The following TMEM132C variants were observed in gnomAD, a reference collection of about 807,000 sequenced individuals.
TMEM132C encodes the protein transmembrane protein 132C, also known as protein phosphatase 1, regulatory subunit 152.
TMEM132C carries 29 observed loss-of-function variants against 61.4 expected under a neutral mutation model. The observed-to-expected ratio is 0.47, with a 90% CI of 0.35 to 0.64. The LOEUF is 0.64. TMEM132C is among the 30% of genes least tolerant of loss of function. The pLI is 0.00. For synonymous variants in TMEM132C, 656 were observed against 633.1 expected (o/e 1.04, Z -0.54); for missense variants, 1,408 against 1,476.9 (o/e 0.95, Z 0.76).
intron 3 of TMEM132C, among the ~76,000 whole-genome samples, chr12:128,580,943 A>G (rs7296140): frequency 0.23 from 35,548 of 152,032 alleles, 4,286 homozygotes; most frequent in Middle Eastern, 0.32. Flanking sequence ...ACTAGATGCC[A>G]ACTGCACACC....
intron 4 of TMEM132C, among the ~76,000 whole-genome samples, chr12:128,665,076 AACACAGGCACTCACACAT>A (rs1237320800): frequency 1.4e-5 from 2 of 148,002 alleles, no homozygotes; most frequent in Non-Finnish European, 3.0e-5. Context: ...CACATACACA[AACACAGGCACTCACACAT>A]ACACAGGCAC....
Position 128,350,185 on chromosome 12 carries a change from G to A in TMEM132C, c.86-64547G>A, listed in dbSNP as rs148551579. 2.7e-3 allele frequency among the ~76,000 whole-genome samples: 417 copies of A among 152,292 alleles called. 2 individuals carry two copies. The highest frequency in any genetic ancestry group is 9.3e-3 in the African/African-American group (388 of 41,558). Reference sequence around the variant, plus strand: ...TCCTTTTTTCGTTTATTCAACTAATGTTGATGAAACGTCTATTTTTTTTCT... The same window carrying A: ...TCCTTTTTTCGTTTATTCAACTAATATTGATGAAACGTCTATTTTTTTTCT... On this transcript the variant is annotated intron_variant, in intron 1 of 8. Coordinates refer to ENST00000435159, the MANE Select transcript of TMEM132C (RefSeq NM_001136103.3).
chr12:128,687,656 C>T (rs1222644344), intron 5 of TMEM132C, among the ~76,000 whole-genome samples: 1 of 152,218 alleles, frequency 6.6e-6, no homozygotes, highest in Admixed American at 6.5e-5. Context: ...GTGAAACCCA[C>T]AGAAGATGCA....
chr12:128,652,426 T>C (rs1036410135), intron 4 of TMEM132C, among the ~76,000 whole-genome samples: 1 of 152,228 alleles, frequency 6.6e-6, no homozygotes. Context: ...ACTCCTGTGC[T>C]AATAAAGGGT....
intron 2 of TMEM132C, among the ~76,000 whole-genome samples, chr12:128,523,896 C>A (rs1206169511): frequency 2.6e-5 from 4 of 151,582 alleles, no homozygotes; most frequent in African/African-American, 4.8e-5. Flanking sequence ...ACCTGTAGTC[C>A]CAGCCACTCA....
At chr12:128,276,543 G>A (rs536349210) in intron 1 of TMEM132C, among the ~76,000 whole-genome samples, 1 of 152,266 alleles carries the variant, frequency 6.6e-6, no homozygotes, top group East Asian at 1.9e-4. Context: ...ACGATCTTAA[G>A]CTTCCCTTCT....
At chr12:128,690,117 C>T (rs1593149910) in intron 5 of TMEM132C, among the ~76,000 whole-genome samples, 2 of 152,176 alleles carry the variant, frequency 1.3e-5, no homozygotes. Context: ...CCAAGCCTCA[C>T]GTGACCCCAC....
chr12:128,373,118 C>T (rs548415861), intron 1 of TMEM132C, among the ~76,000 whole-genome samples: 2 of 152,260 alleles, frequency 1.3e-5, no homozygotes, highest in East Asian at 3.9e-4. Context: ...AGGAGGAACT[C>T]AGGCAGGGCT....
At chr12:128,622,822 A>G (rs1346102312) in intron 4 of TMEM132C, among the ~76,000 whole-genome samples, 3 of 152,188 alleles carry the variant, frequency 2.0e-5, no homozygotes, top group Admixed American at 1.3e-4. Flanking sequence ...ATTGTTTTTC[A>G]AAAACATCTC....
intron 1 of TMEM132C, among the ~76,000 whole-genome samples, chr12:128,320,638 T>G (rs1326963095): frequency 2.6e-5 from 4 of 151,974 alleles, no homozygotes; most frequent in African/African-American, 9.7e-5. Context: ...GAGTGTTGGC[T>G]CATGCCTTTA....
At chr12:128,372,480 C>T (rs1276668314) in intron 1 of TMEM132C, among the ~76,000 whole-genome samples, 2 of 152,080 alleles carry the variant, frequency 1.3e-5, no homozygotes, top group Admixed American at 6.5e-5. Context: ...ACAAAAGCTA[C>T]GTTTTCCAGT....
intron 1 of TMEM132C, among the ~76,000 whole-genome samples, chr12:128,384,616 G>T (rs962772340): frequency 4.6e-5 from 7 of 152,142 alleles, no homozygotes; most frequent in Non-Finnish European, 1.0e-4. Context: ...CTCCACTAAA[G>T]CTTCTGGAAG....
chr12:128,430,567 A>G (rs543063846), intron 2 of TMEM132C, among the ~76,000 whole-genome samples: 1 of 152,338 alleles, frequency 6.6e-6, no homozygotes, highest in Admixed American at 6.5e-5. Flanking sequence ...AGTTTACTGC[A>G]TTTCACAGAT....
rs201012004 is a variant in TMEM132C, at chr12:128,278,745, C to CGTGTGTGTGT, written c.85+11262_85+11263insGTGTGTGTGT. Among the ~76,000 whole-genome samples the CGTGTGTGTGT allele has an allele frequency of 4.1e-4, 55 of 135,670 alleles. No individual in the cohort carries two copies. The highest frequency in any genetic ancestry group is 1.7e-3 in the South Asian group (7 of 4,020). 89.0% of individuals were successfully genotyped at this position (135,670 alleles called of 152,430 possible). A position where few individuals can be genotyped will look rare whatever the true frequency, so the allele number is the denominator to read the frequency against. On this transcript the variant is annotated intron_variant, in intron 1 of 8. Transcript: ENST00000435159. This position sits in a 1 kb window ranked among gnomAD's most constrained non-coding sequence, Gnocchi z 4.2. The stretch of plus-strand genomic sequence containing the variant: ...ATATTTGTGCAGACTTGATTCTATA[C>CGTGTGTGTGT]GTGTATGTGTGTGTGTGTGTGTGTG...
rs1054272693 is a variant in TMEM132C at position 128,667,349 on chromosome 12, A to G, written c.1306-2068A>G. Among the ~76,000 whole-genome samples, 2 of 152,196 alleles carry G rather than the reference A, an allele frequency of 1.3e-5. 1 individual carries two copies. Among genetic ancestry groups the G allele is most frequent in the Admixed American group, 1.3e-4 (2 of 15,278 alleles). ...GAGAAAATGTAAAGACTGAACTCCA[A>G]GCACATTACCTGTAATGAACCTGAA... On this transcript the variant is annotated intron_variant, in intron 4 of 8. Coordinates refer to ENST00000435159, the MANE Select transcript of TMEM132C (RefSeq NM_001136103.3).
intron 3 of TMEM132C, among the ~76,000 whole-genome samples, chr12:128,574,497 G>T (rs1005233491): frequency 6.6e-6 from 1 of 152,200 alleles, no homozygotes; most frequent in Non-Finnish European, 1.5e-5. Context: ...TTGTTCCGTC[G>T]TGGCGGCACT....
At chr12:128,701,899 C>CTTTT (rs34680984) in intron 8 of TMEM132C, among the ~76,000 whole-genome samples, 1 of 130,052 alleles carries the variant, frequency 7.7e-6, no homozygotes, top group Non-Finnish European at 1.6e-5. Context: ...GCTTCTTCTT[C>CTTTT]TTTTTTTTTT....
At chr12:128,350,354 TA>T (rs1873300152) in intron 1 of TMEM132C, among the ~76,000 whole-genome samples, 1 of 151,946 alleles carries the variant, frequency 6.6e-6, no homozygotes, top group Non-Finnish European at 1.5e-5. Context: ...TGAGAAGGGC[TA>T]GGGGGCAAAG....
intron 1 of TMEM132C, among the ~76,000 whole-genome samples, chr12:128,350,235 C>T (rs550482912): frequency 2.2e-4 from 33 of 152,016 alleles, no homozygotes; most frequent in African/African-American, 7.5e-4. Context: ...GCTGAGGGTA[C>T]AAGAGAGGGG....
Sources: allele counts gnomAD v4.1 joint callset (sites outside exome capture counted in the v4.1 genomes callset), GRCh38; gene constraint gnomAD v4.1.1; non-coding constraint Gnocchi (gnomAD v3.1); transcripts MANE v1.5; gene names NCBI Gene and HGNC (gene_info 2026-07-23, HGNC 2026-07-21).